Variants in LYPLAL1 observed in about 807,000 individuals in gnomAD.
The protein encoded by LYPLAL1 is lysophospholipase like 1, also known as lysophospholipase-like protein 1.
LYPLAL1 carries 23 observed loss-of-function variants against 19.7 expected under a neutral mutation model. The observed-to-expected ratio is 1.17, with a 90% CI of 0.84 to 1.65. The LOEUF (loss-of-function observed/expected upper bound fraction) is 1.65. Ranked by LOEUF, LYPLAL1 falls within the 40% of genes most tolerant of loss-of-function variation. The probability of loss-of-function intolerance (pLI) is 0.00; values close to 1 mark genes in which losing one functional copy is unlikely to be tolerated. For missense variants in LYPLAL1, 355 were observed against 279.4 expected (o/e 1.27, Z -1.93); for synonymous variants, 119 against 96.3 (o/e 1.24, Z -1.38).
the LYPLAL1 span, among the ~76,000 whole-genome samples, chr1:219,342,975 A>T: frequency 1.3e-5 from 2 of 152,154 alleles, no homozygotes; most frequent in Non-Finnish European, 2.9e-5. Flanking sequence ...GGATGAGGTT[A>T]TGTGATGCTT....
At chr1:219,212,961 T>C (rs1659152923), downstream of LYPLAL1, 1 of 152,080 alleles carries the variant, frequency 6.6e-6, no homozygotes, top group African/African-American at 2.4e-5. Flanking sequence ...TTCCAAGAAA[T>C]AGCCAACTCT....
intron 1 of LYPLAL1, chr1:219,174,385 G>C: frequency 1.3e-6 from 1 of 747,806 alleles, no homozygotes; most frequent in Non-Finnish European, 1.7e-6. Context: ...ATTGCCCATT[G>C]CTTTTTCCAG....
At chr1:219,359,950 G>T in the LYPLAL1 span, among the ~76,000 whole-genome samples, 48 of 152,296 alleles carry the variant, frequency 3.2e-4, no homozygotes, top group African/African-American at 1.1e-3. Flanking sequence ...TACACAGGCA[G>T]CTGCATCAAA....
intron 1 of LYPLAL1, among the ~76,000 whole-genome samples, chr1:219,177,555 A>G (rs775303121): frequency 3.5e-4 from 54 of 152,146 alleles, no homozygotes; most frequent in Non-Finnish European, 4.3e-4. Context: ...TTTCCTGTCT[A>G]GGCAGGTGTC....
At chr1:219,205,683 A>G (rs1203929331) in intron 3 of LYPLAL1, among the ~76,000 whole-genome samples, 1 of 152,212 alleles carries the variant, frequency 6.6e-6, no homozygotes, top group African/African-American at 2.4e-5. Flanking sequence ...TAGAATTCCC[A>G]AGATGAAGTC....
At chr1:219,419,045 A>AT in the LYPLAL1 span, among the ~76,000 whole-genome samples, 94 of 152,284 alleles carry the variant, frequency 6.2e-4, no homozygotes, top group African/African-American at 2.1e-3. Flanking sequence ...TTATGTATCC[A>AT]TTCACTTACT....
chr1:219,356,702 C>T, the LYPLAL1 span, among the ~76,000 whole-genome samples: 37 of 152,186 alleles, frequency 2.4e-4, 2 homozygotes, highest in East Asian at 6.6e-3. Flanking sequence ...AATTGTAGAT[C>T]GTTTTCTTTG....
At chr1:219,339,738 T>C in the LYPLAL1 span, among the ~76,000 whole-genome samples, 10 of 152,062 alleles carry the variant, frequency 6.6e-5, no homozygotes, top group Non-Finnish European at 1.5e-4. Flanking sequence ...CAAAACAACA[T>C]TTGATGAGTT....
chr1:219,418,823 C>G, the LYPLAL1 span, among the ~76,000 whole-genome samples: 1 of 152,184 alleles, frequency 6.6e-6, no homozygotes, highest in African/African-American at 2.4e-5. Flanking sequence ...CTCCTCTCAC[C>G]CCTGGCAACC....
chr1:219,219,642 T>G, the LYPLAL1 span, among the ~76,000 whole-genome samples: 1 of 152,194 alleles, frequency 6.6e-6, no homozygotes, highest in Non-Finnish European at 1.5e-5. Flanking sequence ...TACCACAGAA[T>G]GAATAGTGAC....
At chr1:219,305,624 A>G in the LYPLAL1 span, among the ~76,000 whole-genome samples, 1 of 152,210 alleles carries the variant, frequency 6.6e-6, no homozygotes, top group African/African-American at 2.4e-5. Flanking sequence ...GGATAATGGC[A>G]CAATGGCAGA....
chr1:219,200,520 C>T (rs989860718), intron 3 of LYPLAL1: 1 of 157,546 alleles, frequency 6.3e-6, no homozygotes, highest in East Asian at 1.9e-4. Flanking sequence ...GTGGGATAAG[C>T]AGTTGATCCG....
intron 3 of LYPLAL1, among the ~76,000 whole-genome samples, chr1:219,204,225 C>G (rs1490383079): frequency 6.6e-6 from 1 of 152,104 alleles, no homozygotes; most frequent in African/African-American, 2.4e-5. Context: ...GGAAAACAGG[C>G]AATAGAATAG....
chr1:219,280,268 C>A, the LYPLAL1 span, among the ~76,000 whole-genome samples: 4 of 151,972 alleles, frequency 2.6e-5, no homozygotes, highest in African/African-American at 4.8e-5. Flanking sequence ...GCAGATAATA[C>A]GTATTATATA....
chr1:219,232,545 C>T, the LYPLAL1 span, among the ~76,000 whole-genome samples: 10 of 152,144 alleles, frequency 6.6e-5, no homozygotes, highest in African/African-American at 2.4e-4. Flanking sequence ...TAGACTACAT[C>T]AAAATTACAA....
chr1:219,190,709 A>G (rs1657107421), intron 2 of LYPLAL1, among the ~76,000 whole-genome samples: 1 of 151,362 alleles, frequency 6.6e-6, no homozygotes, highest in African/African-American at 2.4e-5. Flanking sequence ...CCTGAAATAT[A>G]TGCAACAAAT....
chr1:219,198,041 T>G (rs1432139010), intron 3 of LYPLAL1, among the ~76,000 whole-genome samples: 1 of 152,110 alleles, frequency 6.6e-6, no homozygotes, highest in Non-Finnish European at 1.5e-5. Context: ...AACCCCAAAC[T>G]TGGGGCTCAC....
chr1:219,430,121 T>C, the LYPLAL1 span, among the ~76,000 whole-genome samples: 3 of 151,940 alleles, frequency 2.0e-5, no homozygotes, highest in Non-Finnish European at 4.4e-5. Context: ...TGGTAAAACC[T>C]CATCTTTACC....
chr1:219,354,201 CT>C, the LYPLAL1 span, among the ~76,000 whole-genome samples: 6 of 151,948 alleles, frequency 3.9e-5, no homozygotes, highest in Admixed American at 3.9e-4. Flanking sequence ...AAAAGTTCCA[CT>C]TTTTTTTAAA....
Sources: gnomAD v4.1 joint callset for allele counts (sites outside exome capture counted in the v4.1 genomes callset) on GRCh38, gnomAD v4.1.1 for gene constraint, MANE v1.5 for transcripts, NCBI Gene and HGNC (gene_info 2026-07-23, HGNC 2026-07-21) for gene names.